Variants in CLIC5 observed in about 807,000 individuals in gnomAD.
CLIC5 encodes the protein chloride intracellular channel protein 5.
Under a neutral mutation model 24.7 loss-of-function variants are expected in CLIC5, and 20 were observed. That is an observed-to-expected ratio of 0.81 (90% CI 0.57 to 1.18). CLIC5 has a LOEUF of 1.18. Among genes scored for constraint, CLIC5 ranks in the 50% most tolerant of loss-of-function variants. The probability of loss-of-function intolerance (pLI) is 0.00; values close to 1 mark genes in which losing one functional copy is unlikely to be tolerated. For missense variants in CLIC5, 341 were observed against 326.1 expected (o/e 1.05, Z -0.35); for synonymous variants, 159 against 135.6 (o/e 1.17, Z -1.20).
chr6:45,949,418 C>G, intron 2 of CLIC5, 37 bp from the exon 3 acceptor site: 1 of 1,598,702 alleles, frequency 6.3e-7, no homozygotes, highest in Non-Finnish European at 8.5e-7. Context: ...TGGCTTACAG[C>G]AGGGTGCTTC....
At chr6:46,036,656 A>G (rs1452060264) in intron 1 of CLIC5, among the ~76,000 whole-genome samples, 1 of 152,200 alleles carries the variant, frequency 6.6e-6, no homozygotes, top group African/African-American at 2.4e-5. Flanking sequence ...AGTTATTTGT[A>G]TTTATTCACA....
chr6:45,919,924 T>A (rs988081368), intron 4 of CLIC5, among the ~76,000 whole-genome samples: 3 of 152,084 alleles, frequency 2.0e-5, no homozygotes, highest in African/African-American at 7.2e-5. Flanking sequence ...CTATTATAAT[T>A]TAGGTGCAAA....
intron 1 of CLIC5, among the ~76,000 whole-genome samples, chr6:45,963,591 C>T (rs908252756): frequency 3.9e-5 from 6 of 151,964 alleles, no homozygotes; most frequent in Admixed American, 1.3e-4. Context: ...CATGACTGTC[C>T]TTCCCAAGTC....
intron 1 of CLIC5, among the ~76,000 whole-genome samples, chr6:46,056,195 A>G (rs1768245245): frequency 6.6e-6 from 1 of 152,170 alleles, no homozygotes; most frequent in Non-Finnish European, 1.5e-5. Flanking sequence ...GTGCTTAGAT[A>G]TGAGCCCTGT....
intron 1 of CLIC5, among the ~76,000 whole-genome samples, chr6:45,980,299 TA>T (rs1478268469): frequency 6.6e-6 from 1 of 152,056 alleles, no homozygotes; most frequent in Non-Finnish European, 1.5e-5. Flanking sequence ...AGGTAGCAAA[TA>T]AAGGCAGGAA....
At chr6:45,891,526 C>T (rs951715831) in intron 6 of CLIC5, among the ~76,000 whole-genome samples, 1 of 148,248 alleles carries the variant, frequency 6.7e-6, no homozygotes, top group Admixed American at 6.7e-5. Context: ...GTCCCTGCTA[C>T]TTGGGAGGCT....
chr6:45,998,662 G>T (rs182950616), intron 1 of CLIC5, among the ~76,000 whole-genome samples: 1 of 152,290 alleles, frequency 6.6e-6, no homozygotes, highest in East Asian at 1.9e-4. Flanking sequence ...CCCTGAGGTT[G>T]CCAGATCTCA....
intron 1 of CLIC5, among the ~76,000 whole-genome samples, chr6:45,994,548 CCATGGCA>C (rs1766057880): frequency 6.6e-6 from 1 of 152,092 alleles, no homozygotes; most frequent in Non-Finnish European, 1.5e-5. Flanking sequence ...CAGCAAACCA[CCATGGCA>C]CATGTATACC....
chr6:46,120,322 G>A, the CLIC5 span, among the ~76,000 whole-genome samples: 1 of 152,188 alleles, frequency 6.6e-6, no homozygotes, highest in Non-Finnish European at 1.5e-5. Flanking sequence ...AGGCAAACAG[G>A]GTCTGGAGTG....
rs191128364 is a variant in CLIC5, at chr6:45,921,242, A to G, written c.407-6833T>C. Among the ~76,000 whole-genome samples the G allele has an allele frequency of 1.2e-3, 182 of 152,314 alleles. 1 individual carries two copies. The highest frequency in any genetic ancestry group is 3.4e-3 in the Middle Eastern group (1 of 294). On this transcript the variant is annotated intron_variant, in intron 4 of 5. Coordinates refer to ENST00000339561, the MANE Select transcript of CLIC5 (RefSeq NM_016929.5). ...ATTCTTAGACCACATGAAGTCAGAAATGGCAGCAAGGTTTTAGAAGATGGG... is the reference window on the plus strand; with the variant it reads ...ATTCTTAGACCACATGAAGTCAGAAGTGGCAGCAAGGTTTTAGAAGATGGG...
chr6:45,972,158 T>C (rs1280164975), intron 1 of CLIC5, among the ~76,000 whole-genome samples: 1 of 152,218 alleles, frequency 6.6e-6, no homozygotes, highest in Non-Finnish European at 1.5e-5. Context: ...TGTATAGCGC[T>C]TGCAATTATG....
chr6:46,025,356 T>C (rs1767300338), intron 1 of CLIC5, among the ~76,000 whole-genome samples: 1 of 152,206 alleles, frequency 6.6e-6, no homozygotes, highest in South Asian at 2.1e-4. Flanking sequence ...ACATCTCACT[T>C]AATCCCTCAC....
chr6:46,052,505 A>G (rs1751117269), intron 1 of CLIC5, among the ~76,000 whole-genome samples: 1 of 152,244 alleles, frequency 6.6e-6, no homozygotes, highest in African/African-American at 2.4e-5. Flanking sequence ...ATAATAGAGT[A>G]CAGAAAATAT....
chr6:45,942,973 T>C (rs1244045663), intron 3 of CLIC5, among the ~76,000 whole-genome samples: 1 of 152,244 alleles, frequency 6.6e-6, no homozygotes, highest in Non-Finnish European at 1.5e-5. Flanking sequence ...AGCAGTGTCC[T>C]TCCCCCTCCA....
intron 1 of CLIC5, among the ~76,000 whole-genome samples, chr6:46,046,134 G>C (rs1415895487): frequency 6.6e-6 from 1 of 152,156 alleles, no homozygotes; most frequent in Non-Finnish European, 1.5e-5. Flanking sequence ...GAAACAAAGT[G>C]GACTAGATTC....
At chr6:45,884,835 GGA>G (rs1479990771) in intron 6 of CLIC5, among the ~76,000 whole-genome samples, 3 of 152,066 alleles carry the variant, frequency 2.0e-5, no homozygotes, top group Admixed American at 6.5e-5. Flanking sequence ...AAAATTTTGG[GGA>G]GAGAGGGGAT....
chr6:45,962,920 G>A (rs146362744), intron 1 of CLIC5, among the ~76,000 whole-genome samples: 105 of 152,188 alleles, frequency 6.9e-4, no homozygotes, highest in African/African-American at 2.3e-3. Context: ...TGAGCTTTAC[G>A]TCCATCTGCC....
intron 1 of CLIC5, among the ~76,000 whole-genome samples, chr6:45,995,629 A>C (rs1271363749): frequency 6.6e-6 from 1 of 152,256 alleles, no homozygotes; most frequent in African/African-American, 2.4e-5. Flanking sequence ...TATCCTAATG[A>C]GACATTTAGA....
rs185383617 is a variant in CLIC5 at position 45,891,560 on chromosome 6, C to T, written c.624-10372G>A. On this transcript the variant is annotated intron_variant, in intron 6 of 6. Transcript: ENST00000644324. ...CTGAGGCAGGGGAATCGTTTGAACC[C>T]GGGAGGCAGAGGTTCAGTGAGGCGA... Among the ~76,000 whole-genome samples the T allele has an allele frequency of 2.2e-3, 233 of 105,560 alleles. 3 individuals are homozygous for T. Among genetic ancestry groups the T allele is most frequent in the African/African-American group, 8.3e-3 (182 of 21,804 alleles). The allele number at this position is 105,560 out of a possible 152,430, so 69.3% of individuals were successfully genotyped here. A position where few individuals can be genotyped will look rare whatever the true frequency, so the allele number is the denominator to read the frequency against.
Sources: allele counts gnomAD v4.1 joint callset (sites outside exome capture counted in the v4.1 genomes callset), GRCh38; gene constraint gnomAD v4.1.1; transcripts MANE v1.5; gene names NCBI Gene and HGNC (gene_info 2026-07-23, HGNC 2026-07-21).